CENPP: variants seen among roughly 807,000 people sequenced by gnomAD.
The protein encoded by CENPP is centromere protein P.
In CENPP, 24 loss-of-function variants were observed where a neutral mutation model predicts 35.6. The ratio of observed to expected loss-of-function variants is 0.67; its 90% CI spans 0.49 to 0.95. CENPP has a LOEUF of 0.95. Ranked by LOEUF, CENPP falls within the 40% of genes least tolerant of loss-of-function variation. The pLI, the probability that CENPP is intolerant of heterozygous loss-of-function variation, is 0.00. For synonymous variants in CENPP, 120 were observed against 125.5 expected, an observed-to-expected ratio of 0.96 and a Z score of 0.29; for missense variants, 332 against 345.3, an observed-to-expected ratio of 0.96 and a Z score of 0.31.
intron 5 of CENPP, among the ~76,000 whole-genome samples, chr9:92,442,603 A>T (rs181748289): frequency 0.011 from 1,704 of 152,120 alleles, 19 homozygotes; most frequent in South Asian, 0.019. Flanking sequence ...TAATCCTAGC[A>T]CTTTGGGAAG....
intron 5 of CENPP, among the ~76,000 whole-genome samples, chr9:92,466,169 A>T (rs1333157106): frequency 2.6e-5 from 4 of 152,200 alleles, no homozygotes; most frequent in Non-Finnish European, 5.9e-5. Context: ...AGACAGTATT[A>T]CGAAGATCAT....
intron 5 of CENPP, among the ~76,000 whole-genome samples, chr9:92,582,882 C>T (rs1392388768): frequency 1.3e-5 from 2 of 152,106 alleles, no homozygotes; most frequent in Non-Finnish European, 2.9e-5. Flanking sequence ...TGTGGCCCAC[C>T]GAGTCTTCAG....
At position 92,616,126 on chromosome 9, in the gene CENPP, T is replaced by C. The variant is rs898435446; in HGVS notation, c.*2977T>C. 3 of 1,049,786 alleles carry C rather than the reference T, an allele frequency of 2.9e-6. No individual in the cohort carries two copies. The African/African-American group carries it at 4.8e-5, about 17-fold the overall frequency. The allele number at this position is 1,049,786 out of a possible 1,614,324, so 65.0% of individuals were successfully genotyped here. ...TCATTTCCCTCCCTCCCGTTCTCTC[T>C]CCCTTTCTTCTTTCAACTAGTATGT... is the stretch of plus-strand genomic sequence containing the variant. On this transcript the variant is annotated 3_prime_UTR_variant, in exon 8 of 8. Coordinates refer to ENST00000375587, the MANE Select transcript of CENPP (RefSeq NM_001012267.3).
chr9:92,439,464 C>G (rs1424763552), intron 5 of CENPP, among the ~76,000 whole-genome samples: 1 of 152,142 alleles, frequency 6.6e-6, no homozygotes, highest in African/African-American at 2.4e-5. Context: ...CTCCCCAGCC[C>G]CCACTAGCTA....
At chr9:92,442,420 A>C (rs1342492191) in intron 5 of CENPP, among the ~76,000 whole-genome samples, 2 of 127,896 alleles carry the variant, frequency 1.6e-5, no homozygotes, top group Non-Finnish European at 3.8e-5. Flanking sequence ...AAAAAAAGAA[A>C]AAACAAAAAA....
chr9:92,435,533 T>TC (rs1844226405), intron 5 of CENPP, among the ~76,000 whole-genome samples: 2 of 152,190 alleles, frequency 1.3e-5, no homozygotes, highest in African/African-American at 4.8e-5. Flanking sequence ...TGCAAGAGTT[T>TC]CACATGTTGC....
chr9:92,367,150 C>G (rs974998800), intron 4 of CENPP, among the ~76,000 whole-genome samples: 1 of 151,980 alleles, frequency 6.6e-6, no homozygotes, highest in Non-Finnish European at 1.5e-5. Flanking sequence ...GTGGAGGAAA[C>G]GTTTATTTTA....
intron 5 of CENPP, chr9:92,516,570 A>C (rs1334950438): frequency 6.6e-6 from 1 of 152,224 alleles, no homozygotes; most frequent in Non-Finnish European, 1.5e-5. Flanking sequence ...GAAGAATAGG[A>C]AAAAGTTAGT....
intron 5 of CENPP, among the ~76,000 whole-genome samples, chr9:92,392,343 G>C (rs751700776): frequency 6.6e-6 from 1 of 152,162 alleles, no homozygotes; most frequent in Non-Finnish European, 1.5e-5. Flanking sequence ...ATACTTCCCT[G>C]CCGGGCATGG....
intron 5 of CENPP, among the ~76,000 whole-genome samples, chr9:92,444,656 T>C (rs954401913): frequency 6.6e-6 from 1 of 152,232 alleles, no homozygotes; most frequent in Non-Finnish European, 1.5e-5. Flanking sequence ...GCTCTGCATA[T>C]GGTGTGTTGT....
In CENPP at chr9:92,619,645, A is replaced by C; in HGVS notation, c.*6496A>C. On this transcript the variant is annotated 3_prime_UTR_variant, in exon 8 of 8. Transcript: ENST00000375587. ...ACACAACCTTCCTTCCCAGTAGCCA[A>C]GTGTGGGAACTGCTTCCTGCCTCAG... 1 of 1,268,270 alleles carries C rather than the reference A, an allele frequency of 7.9e-7. No homozygotes were observed. The highest frequency in any genetic ancestry group is 1.1e-6 in the Non-Finnish European group (1 of 893,904). 78.6% of individuals were successfully genotyped at this position (1,268,270 alleles called of 1,614,324 possible).
chr9:92,601,873 G>A (rs1164273292), intron 5 of CENPP, among the ~76,000 whole-genome samples: 1 of 149,994 alleles, frequency 6.7e-6, no homozygotes, highest in Non-Finnish European at 1.5e-5. Flanking sequence ...GCACAGACAG[G>A]GGTGGAAGTG....
intron 5 of CENPP, chr9:92,496,063 T>C: frequency 1.8e-6 from 2 of 1,101,270 alleles, no homozygotes; most frequent in Non-Finnish European, 1.1e-6. Flanking sequence ...ATGCATAATA[T>C]CCTATTCTAG....
At chr9:92,385,591 C>A in intron 5 of CENPP, 1 of 1,597,402 alleles carries the variant, frequency 6.3e-7, no homozygotes, top group Non-Finnish European at 8.6e-7. Flanking sequence ...TGTAGGTGTA[C>A]TTTCATTTAT....
At chr9:92,457,100 C>A in intron 5 of CENPP, 2 of 1,380,644 alleles carry the variant, frequency 1.4e-6, no homozygotes, top group South Asian at 1.8e-5. Flanking sequence ...TTCTCTCAAC[C>A]CTTATGTATC....
chr9:92,495,768 G>A (rs1846314426), intron 5 of CENPP: 8 of 942,928 alleles, frequency 8.5e-6, no homozygotes, highest in Non-Finnish European at 1.0e-5. Flanking sequence ...TTTTACACAT[G>A]TAATTAATGG....
intron 5 of CENPP, among the ~76,000 whole-genome samples, chr9:92,484,453 G>A (rs1846007055): frequency 6.6e-6 from 1 of 152,068 alleles, no homozygotes; most frequent in Non-Finnish European, 1.5e-5. Flanking sequence ...GTTCATTCTT[G>A]TCACTGTATA....
chr9:92,498,272 G>A (rs1261182478), intron 5 of CENPP, among the ~76,000 whole-genome samples: 3 of 152,024 alleles, frequency 2.0e-5, no homozygotes, highest in Non-Finnish European at 4.4e-5. Context: ...TTTAACCTAT[G>A]GGAAGGATCA....
intron 5 of CENPP, among the ~76,000 whole-genome samples, chr9:92,555,070 T>A (rs1849693246): frequency 6.6e-6 from 1 of 152,050 alleles, no homozygotes; most frequent in Non-Finnish European, 1.5e-5. Context: ...ATTAAGGTGA[T>A]GCTGGCTTCA....
Sources: gnomAD v4.1 joint callset for allele counts (sites outside exome capture counted in the v4.1 genomes callset) on GRCh38, gnomAD v4.1.1 for gene constraint, MANE v1.5 for transcripts, NCBI Gene and HGNC (gene_info 2026-07-23, HGNC 2026-07-21) for gene names.